GPC6: variants seen among roughly 807,000 people sequenced by gnomAD.
GPC6 encodes the protein glypican-6.
Under a neutral mutation model 55.2 loss-of-function variants are expected in GPC6, and 14 were observed. The ratio of observed to expected loss-of-function variants is 0.25; its 90% CI spans 0.17 to 0.40. The LOEUF (loss-of-function observed/expected upper bound fraction) is 0.40. Ranked by LOEUF, GPC6 falls within the 10% of genes least tolerant of loss-of-function variation. The probability of loss-of-function intolerance (pLI) is 1.00; values close to 1 mark genes in which losing one functional copy is unlikely to be tolerated. For missense variants in GPC6, 641 were observed against 708.5 expected (o/e 0.90, Z 1.08); for synonymous variants, 278 against 259.6 (o/e 1.07, Z -0.68).
intron 3 of GPC6, among the ~76,000 whole-genome samples, chr13:93,895,234 G>GTGTGTGTGTGTGTGTGTA (rs1196315147): frequency 9.2e-6 from 1 of 108,208 alleles, no homozygotes; most frequent in African/African-American, 3.7e-5. Flanking sequence ...GTGTGTGTGT[G>GTGTGTGTGTGTGTGTGTA]TATATATATA....
intron 2 of GPC6, among the ~76,000 whole-genome samples, chr13:93,763,956 C>T (rs1594436662): frequency 6.6e-6 from 1 of 151,984 alleles, no homozygotes; most frequent in Non-Finnish European, 1.5e-5. Context: ...ACTGTCTATA[C>T]CCTTGTTTTA....
At chr13:93,252,747 C>T (rs1269960963) in intron 1 of GPC6, among the ~76,000 whole-genome samples, 1 of 152,176 alleles carries the variant, frequency 6.6e-6, no homozygotes. Flanking sequence ...TGCTTGAACA[C>T]AGTAGGTACT....
At chr13:94,196,291 CA>C (rs1280475192) in intron 4 of GPC6, among the ~76,000 whole-genome samples, 1 of 149,944 alleles carries the variant, frequency 6.7e-6, no homozygotes, top group African/African-American at 2.5e-5. Context: ...ATTTTGGCTG[CA>C]AAAAAATCAA....
At chr13:93,484,923 C>A (rs1221326714) in intron 1 of GPC6, among the ~76,000 whole-genome samples, 1 of 152,090 alleles carries the variant, frequency 6.6e-6, no homozygotes, top group Non-Finnish European at 1.5e-5. Context: ...TAGAGTTATT[C>A]TTCAATAAAT....
Position 94,323,286 on chromosome 13 carries a change from G to A in GPC6, c.1152+17163G>A, listed in dbSNP as rs74840339. On this transcript the variant is annotated intron_variant, in intron 6 of 8. Transcript: ENST00000377047. The stretch of plus-strand genomic sequence containing the variant: ...GCCAAGTTCAAAATCCTGACTATGT[G>A]ATTGTGTGCTAATTACCTAATCTCA... Among the ~76,000 whole-genome samples the A allele has an allele frequency of 3.6e-3, 550 of 152,270 alleles. 10 individuals carry two copies. The East Asian group carries it at 0.067, about 19-fold the overall frequency.
chr13:93,932,130 C>CG (rs1878209075), intron 3 of GPC6, among the ~76,000 whole-genome samples: 2 of 152,088 alleles, frequency 1.3e-5, no homozygotes, highest in South Asian at 4.1e-4. Context: ...AATTGTCTGG[C>CG]GAACAGGACA....
chr13:94,177,362 G>A (rs2138940603), intron 4 of GPC6, among the ~76,000 whole-genome samples: 1 of 151,590 alleles, frequency 6.6e-6, no homozygotes, highest in African/African-American at 2.4e-5. Context: ...AAGATACTGG[G>A]AAAATATTTG....
rs1400524102 is a variant in GPC6, at chr13:94,184,262, CA to C, written c.878-102082del. Among the ~76,000 whole-genome samples, 10 of 151,296 alleles carry C rather than the reference CA, an allele frequency of 6.6e-5. No individual in the cohort carries two copies. The East Asian group carries it at 1.9e-3, about 29-fold the overall frequency. On this transcript the variant is annotated intron_variant, in intron 4 of 8. Transcript: ENST00000377047. ...TCTCCCAAAGCAATTGCAACAGAAA[CA>C]AAAATTGACAAGGGGGACCTAATTA...
intron 2 of GPC6, among the ~76,000 whole-genome samples, chr13:93,618,171 C>G (rs920668219): frequency 1.5e-4 from 23 of 151,882 alleles, no homozygotes; most frequent in African/African-American, 5.6e-4. Context: ...ATTTTCTTCA[C>G]CAATATTTAT....
At chr13:94,264,007 T>C (rs1179023871) in intron 4 of GPC6, among the ~76,000 whole-genome samples, 1 of 152,172 alleles carries the variant, frequency 6.6e-6, no homozygotes, top group Admixed American at 6.5e-5. Flanking sequence ...TTGTCTCCCA[T>C]GGCAACCTAC....
At chr13:93,217,043 A>T in the GPC6 span, among the ~76,000 whole-genome samples, 1 of 151,918 alleles carries the variant, frequency 6.6e-6, no homozygotes, top group African/African-American at 2.4e-5. Context: ...GCCCGCAAAA[A>T]TGGAAAAAAA....
chr13:94,399,592 G>C (rs1167220269), intron 8 of GPC6, among the ~76,000 whole-genome samples: 1 of 152,120 alleles, frequency 6.6e-6, no homozygotes, highest in East Asian at 1.9e-4. Flanking sequence ...TGTGTGCTTG[G>C]ATTAATGAGA....
chr13:94,178,079 T>C lies in GPC6; in HGVS notation c.878-108270T>C, dbSNP rs550074259. Among the ~76,000 whole-genome samples, 1,259 of 144,466 alleles carry C rather than the reference T, an allele frequency of 8.7e-3. 12 individuals carry two copies. Among genetic ancestry groups the C allele is most frequent in the Non-Finnish European group, 0.013 (882 of 67,040 alleles). The allele number at this position is 144,466 out of a possible 152,430, so 94.8% of individuals were successfully genotyped here. ...TGTCGCCCAGGCTGGAGTGCAGTGGTGCGATCTCAACTCACTGCAACCTCC... is the reference window on the plus strand; with the variant it reads ...TGTCGCCCAGGCTGGAGTGCAGTGGCGCGATCTCAACTCACTGCAACCTCC... On this transcript the variant is annotated intron_variant, in intron 4 of 8. Coordinates refer to ENST00000377047, the MANE Select transcript of GPC6 (RefSeq NM_005708.5).
At chr13:93,779,236 G>A (rs1885563657) in intron 2 of GPC6, among the ~76,000 whole-genome samples, 2 of 152,116 alleles carry the variant, frequency 1.3e-5, no homozygotes, top group Admixed American at 6.6e-5. Context: ...GCGGCTACCA[G>A]TGGAGGAGCT....
intron 1 of GPC6, among the ~76,000 whole-genome samples, chr13:93,364,607 A>G (rs1881173421): frequency 6.6e-6 from 1 of 151,886 alleles, no homozygotes; most frequent in Non-Finnish European, 1.5e-5. Context: ...TTTGAAATAA[A>G]TGAATTATCT....
Position 93,779,680 on chromosome 13 carries a change from C to T in GPC6, c.320-50474C>T, listed in dbSNP as rs1463699160. ...CGTATGTGCTATATGCTATATCTGC[C>T]CCAGTTATCACTGTCTCTTTTTCAT... On this transcript the variant is annotated intron_variant, in intron 2 of 8. Transcript: ENST00000377047. 2.0e-5 allele frequency among the ~76,000 whole-genome samples: 3 copies of T among 152,090 alleles called. No homozygotes were observed. In the East Asian group the frequency reaches 5.8e-4, roughly 29 times the overall value.
intron 2 of GPC6, among the ~76,000 whole-genome samples, chr13:93,564,699 G>C (rs1875997958): frequency 6.6e-6 from 1 of 152,006 alleles, no homozygotes; most frequent in South Asian, 2.1e-4. Flanking sequence ...TCTATGAAGT[G>C]AATGACTGTG....
intron 3 of GPC6, among the ~76,000 whole-genome samples, chr13:93,879,793 G>A (rs1364108533): frequency 6.6e-6 from 1 of 152,020 alleles, no homozygotes; most frequent in Non-Finnish European, 1.5e-5. Flanking sequence ...CAAAATGGGA[G>A]AAAATTTTCG....
intron 4 of GPC6, among the ~76,000 whole-genome samples, chr13:94,031,367 C>T (rs373547789): frequency 2.0e-5 from 3 of 152,136 alleles, no homozygotes; most frequent in East Asian, 3.9e-4. Flanking sequence ...GCCTCAGGCC[C>T]GCCCCTTCAC....
Sources: allele counts gnomAD v4.1 joint callset (sites outside exome capture counted in the v4.1 genomes callset), GRCh38; gene constraint gnomAD v4.1.1; transcripts MANE v1.5; gene names NCBI Gene and HGNC (gene_info 2026-07-23, HGNC 2026-07-21).